CDCA7L: variants seen among roughly 807,000 people sequenced by gnomAD.
The protein encoded by CDCA7L is cell division cycle associated 7 like.
A neutral mutation model predicts 57.4 loss-of-function variants in CDCA7L; 44 were observed. The ratio of observed to expected loss-of-function variants is 0.77; its 90% confidence interval spans 0.60 to 0.98. CDCA7L has a LOEUF of 0.98. Ranked by LOEUF, CDCA7L falls within the 50% of genes least tolerant of loss-of-function variation. The probability of loss-of-function intolerance (pLI) is 0.00; values close to 1 mark genes in which losing one functional copy is unlikely to be tolerated. For synonymous variants in CDCA7L, 236 were observed against 202.8 expected, an observed-to-expected ratio of 1.16 and a Z score of -1.39; for missense variants, 644 against 580.6, an observed-to-expected ratio of 1.11 and a Z score of -1.12.
intron 1 of CDCA7L, among the ~76,000 whole-genome samples, chr7:21,930,799 A>C (rs901446323): frequency 6.6e-5 from 10 of 151,914 alleles, no homozygotes; most frequent in African/African-American, 2.4e-4. Flanking sequence ...AGCAGAACTG[A>C]AGGAGACAGG....
At chr7:21,915,704 G>C (rs926976329) in intron 2 of CDCA7L, among the ~76,000 whole-genome samples, 1 of 150,384 alleles carries the variant, frequency 6.6e-6, no homozygotes, top group East Asian at 2.0e-4. Flanking sequence ...GTGGGAGCCT[G>C]TAATCCCAGC....
Position 21,901,137 on chromosome 7 carries a change from C to T in CDCA7L, c.*1185G>A. On this transcript the variant is annotated 3_prime_UTR_variant, in exon 10 of 10. Transcript: ENST00000406877. ...AAGAAACCAAACAGACCTACGAGTG[C>T]CCTGTGTATAGAACCAAACTGAGAG... 3.1e-6 allele frequency: 5 copies of T among 1,613,218 alleles called. No individual in the cohort carries two copies. Among genetic ancestry groups the T allele is most frequent in the Non-Finnish European group, 4.2e-6 (5 of 1,179,372 alleles).
At chr7:21,944,829 A>G (rs891106886) in intron 1 of CDCA7L, 3 of 151,838 alleles carry the variant, frequency 2.0e-5, no homozygotes, top group Middle Eastern at 3.2e-3. Flanking sequence ...ACCAGTCGGA[A>G]GCAAGGTGGA....
chr7:21,933,147 A>G (rs543355199), intron 1 of CDCA7L, among the ~76,000 whole-genome samples: 1 of 152,318 alleles, frequency 6.6e-6, no homozygotes, highest in Admixed American at 6.5e-5. Flanking sequence ...AAAGTCAGGA[A>G]ACAACAGATG....
rs1239325412 is a variant in CDCA7L at position 21,901,897 on chromosome 7, G to GGTCTAT, written c.*419_*424dup. The GGTCTAT allele has an allele frequency of 4.1e-5, 8 of 196,236 alleles. No individual in the cohort carries two copies. Among genetic ancestry groups the GGTCTAT allele is most frequent in the Non-Finnish European group, 8.5e-5 (8 of 94,564 alleles). The allele number at this position is 196,236 out of a possible 1,614,324, so 12.2% of individuals were successfully genotyped here. A position where few individuals can be genotyped will look rare whatever the true frequency, so the allele number is the denominator to read the frequency against. On this transcript the variant is annotated 3_prime_UTR_variant, in exon 10 of 10. Coordinates refer to ENST00000406877, the MANE Select transcript of CDCA7L (RefSeq NM_018719.5). ...CAAGAGCAGGTTAAACGATGTGTGT[G>GGTCTAT]GTCTATTAAACTGTGGTCACTCGTG...
At chr7:21,917,419 G>T (rs1480597720) in intron 1 of CDCA7L, among the ~76,000 whole-genome samples, 2 of 152,166 alleles carry the variant, frequency 1.3e-5, no homozygotes, top group African/African-American at 4.8e-5. Flanking sequence ...AGTAGCTGGG[G>T]ATTAATTCTA....
chr7:21,906,239 A>C (rs1466035411), intron 6 of CDCA7L, 50 bp downstream of exon 6: 1 of 1,529,580 alleles, frequency 6.5e-7, no homozygotes, highest in South Asian at 1.2e-5. Flanking sequence ...TCACGTTTGG[A>C]GGGATGGTAG....
At chr7:21,920,137 T>A (rs1341121071) in intron 1 of CDCA7L, among the ~76,000 whole-genome samples, 1 of 152,206 alleles carries the variant, frequency 6.6e-6, no homozygotes, top group Non-Finnish European at 1.5e-5. Flanking sequence ...TCAGCAGTTT[T>A]CTCCACTTTG....
At chr7:21,938,435 C>T (rs536269527) in intron 1 of CDCA7L, among the ~76,000 whole-genome samples, 1 of 151,948 alleles carries the variant, frequency 6.6e-6, no homozygotes, top group Non-Finnish European at 1.5e-5. Context: ...TTGGAACACT[C>T]GTGCACTGCT....
At chr7:21,904,999 A>AT (rs908981529) in intron 7 of CDCA7L, among the ~76,000 whole-genome samples, 125 of 151,632 alleles carry the variant, frequency 8.2e-4, no homozygotes, top group African/African-American at 2.7e-3. Flanking sequence ...TGTGAGATCT[A>AT]TTTTTTTTTA....
At chr7:21,945,653 T>C in intron 1 of CDCA7L, 128 bp downstream of exon 1, 1 of 1,196,230 alleles carries the variant, frequency 8.4e-7, no homozygotes, top group Non-Finnish European at 1.2e-6. Context: ...CTCAACCGGC[T>C]GGGCGCGCCA....
rs1785112982 is a variant in CDCA7L, at chr7:21,905,573, T to C, written c.980A>G (p.Asp327Gly). The C allele has an allele frequency of 1.9e-6, 3 of 1,613,924 alleles. No individual in the cohort carries two copies. Among genetic ancestry groups the C allele is most frequent in the Middle Eastern group, 1.6e-4 (1 of 6,084 alleles). Residue 327 changes from aspartate to glycine, a missense_variant, in exon 7 of 10, where the codon GAT (aspartate) becomes GGT (glycine). By Grantham distance (94) the Asp-to-Gly change is moderately conservative. Transcript: ENST00000406877. ...HRISSFRPVE[D>G]ITEEDLENVA... ...ATTTTCTAAGTCCTCTTCGGTGATA[T>C]CCTCCACTGGCCGAAAAGAAGATAT...
In CDCA7L at chr7:21,904,076, T is replaced by G. The variant is rs1785047061; in HGVS notation, c.1197+34A>C. On this transcript the variant is annotated intron_variant, in intron 8 of 9. Coordinates refer to ENST00000406877, the MANE Select transcript of CDCA7L (RefSeq NM_018719.5). ...CTTTATAGCTTGCTTCCTTCACCAA[T>G]ACAATTTACAACAAATGCAAACACT... 2.6e-6 allele frequency: 4 copies of G among 1,536,750 alleles called. No individual in the cohort carries two copies. In the East Asian group the frequency reaches 9.4e-5, roughly 36 times the overall value.
At position 21,901,462 on chromosome 7, in the gene CDCA7L, T is replaced by A. The variant is rs1214390046; in HGVS notation, c.*860A>T. 6 of 593,250 alleles carry A rather than the reference T, an allele frequency of 1.0e-5. No homozygotes were observed. In the East Asian group the frequency reaches 2.4e-4, roughly 24 times the overall value. 36.7% of individuals were successfully genotyped at this position (593,250 alleles called of 1,614,324 possible). A position where few individuals can be genotyped will look rare whatever the true frequency, so the allele number is the denominator to read the frequency against. On this transcript the variant is annotated 3_prime_UTR_variant, in exon 10 of 10. Coordinates refer to ENST00000406877, the MANE Select transcript of CDCA7L (RefSeq NM_018719.5). ...TGGTGGCACACGACTGTAATCCCAG[T>A]TACTCAGGAGGTAGGAGAATCACTT...
chr7:21,907,691 G>A (rs1785182373), intron 4 of CDCA7L, among the ~76,000 whole-genome samples: 1 of 152,156 alleles, frequency 6.6e-6, no homozygotes, highest in African/African-American at 2.4e-5. Flanking sequence ...CAGAACCAGT[G>A]CTGGTCACCA....
At chr7:21,935,957 G>A (rs990017400) in intron 1 of CDCA7L, among the ~76,000 whole-genome samples, 13 of 152,020 alleles carry the variant, frequency 8.6e-5, no homozygotes, top group Non-Finnish European at 1.6e-4. Flanking sequence ...GCAGTGAGCC[G>A]CTACTGTGCC....
In CDCA7L at chr7:21,901,278, C is replaced by A. The variant is rs1202770509; in HGVS notation, c.*1044G>T. 3.8e-6 allele frequency: 6 copies of A among 1,591,392 alleles called. No individual in the cohort carries two copies. Among genetic ancestry groups the A allele is most frequent in the South Asian group, 1.1e-5 (1 of 87,140 alleles). On this transcript the variant is annotated 3_prime_UTR_variant, in exon 10 of 10. Transcript: ENST00000406877. ...AAGGTAACACTGGCATTCCTCTAGC[C>A]TCTGCTGGAGTGCAGTGAGGATTTT...
chr7:21,925,002 A>G (rs1216999269), intron 1 of CDCA7L, among the ~76,000 whole-genome samples: 1 of 152,212 alleles, frequency 6.6e-6, no homozygotes, highest in Admixed American at 6.5e-5. Context: ...ACTTTCACCA[A>G]TCACGTAAAG....
intron 4 of CDCA7L, 59 bp downstream of exon 4, chr7:21,908,071 C>T (rs960024087): frequency 4.1e-5 from 61 of 1,486,312 alleles, no homozygotes; most frequent in Non-Finnish European, 4.9e-5. Flanking sequence ...TTCTGGGAGC[C>T]CAGCAACTGC....
Sources: allele counts gnomAD v4.1 joint callset (sites outside exome capture counted in the v4.1 genomes callset), GRCh38; gene constraint gnomAD v4.1.1; transcripts MANE v1.5; gene names NCBI Gene and HGNC (gene_info 2026-07-23, HGNC 2026-07-21).